Variants in SNX18 observed in about 807,000 individuals in gnomAD.
SNX18 encodes sorting nexin-18.
A neutral mutation model predicts 48.7 loss-of-function variants in SNX18; 35 were observed. The observed-to-expected ratio is 0.72, with a 90% confidence interval of 0.55 to 0.95. SNX18 has a LOEUF of 0.95. Among genes scored for constraint, SNX18 ranks in the 40% least tolerant of loss-of-function variants. The pLI is 0.00. For missense variants in SNX18, 824 were observed against 871.0 expected, an observed-to-expected ratio of 0.95 and a Z score of 0.68; for synonymous variants, 492 against 384.7, an observed-to-expected ratio of 1.28 and a Z score of -3.26.
the SNX18 span, among the ~76,000 whole-genome samples, chr5:54,552,694 G>T: frequency 6.6e-6 from 1 of 152,308 alleles, no homozygotes. Context: ...TTGAATGCTT[G>T]TTGTGCTTCG....
chr5:54,570,873 G>A, the SNX18 span, among the ~76,000 whole-genome samples: 1 of 152,208 alleles, frequency 6.6e-6, no homozygotes, highest in African/African-American at 2.4e-5. Context: ...AAGGCTTTAA[G>A]TATTTTTAAA....
the SNX18 span, chr5:54,645,484 G>C: frequency 6.6e-6 from 1 of 152,250 alleles, no homozygotes; most frequent in Admixed American, 6.5e-5. Flanking sequence ...TCTTGGAAGA[G>C]ATGTCACCTG....
At chr5:54,522,540 C>G (rs939882003) in intron 1 of SNX18, among the ~76,000 whole-genome samples, 1 of 152,166 alleles carries the variant, frequency 6.6e-6, no homozygotes, top group African/African-American at 2.4e-5. Context: ...TGCACCTCCT[C>G]CTTCCCATAT....
Position 54,544,442 on chromosome 5 carries a change from A to G in SNX18, c.*1010A>G, listed in dbSNP as rs1312304190. ...ATGGATCTACACTGTTAACTGATTG[A>G]GACTCCACTGTGATTCACTTGTTTA... On this transcript the variant is annotated 3_prime_UTR_variant, in exon 2 of 2. Transcript: ENST00000381410. 1 of 151,856 alleles carries G rather than the reference A, an allele frequency of 6.6e-6. No homozygotes were observed. Among genetic ancestry groups the G allele is most frequent in the Non-Finnish European group, 1.5e-5 (1 of 67,982 alleles). 9.4% of individuals were successfully genotyped at this position (151,856 alleles called of 1,614,324 possible). A position where few individuals can be genotyped will look rare whatever the true frequency, so the allele number is the denominator to read the frequency against.
the SNX18 span, among the ~76,000 whole-genome samples, chr5:54,647,904 G>T: frequency 6.6e-6 from 1 of 152,070 alleles, no homozygotes; most frequent in Admixed American, 6.6e-5. Flanking sequence ...TTAAGGAGAT[G>T]GAGATGTCAA....
In SNX18 at chr5:54,518,293, C is replaced by A; in HGVS notation, c.341C>A (p.Pro114Gln). Residue 114 changes from proline (P) to glutamine (Q), a missense_variant, in exon 1 of 2, where the codon CCG becomes CAG. Pro to Gln is a moderately conservative substitution (Grantham distance 76, BLOSUM62 -1). Around this residue, in one of 3 missense-constraint regions of SNX18, gnomAD observed 377 missense variants for 350.6 expected, o/e 1.08. Transcript: ENST00000381410. ...GCGCTGCTGCAGCCACAGCAGGCGC[C>A]GCCTCCGAGCACCTTCCAGCCGCCC... is the stretch of plus-strand genomic sequence containing the variant. ...FQALLQPQQA[P>Q]PPSTFQPPGA... The A allele has an allele frequency of 6.6e-7, 1 of 1,507,512 alleles. No homozygotes were observed. Among genetic ancestry groups the A allele is most frequent in the Non-Finnish European group, 8.8e-7 (1 of 1,132,154 alleles). 93.4% of individuals were successfully genotyped at this position (1,507,512 alleles called of 1,614,324 possible). A position where few individuals can be genotyped will look rare whatever the true frequency, so the allele number is the denominator to read the frequency against.
At chr5:54,596,646 C>T in the SNX18 span, among the ~76,000 whole-genome samples, 2 of 152,166 alleles carry the variant, frequency 1.3e-5, no homozygotes, top group South Asian at 4.1e-4. Flanking sequence ...ATTCTATGAC[C>T]TTCCACAGCC....
chr5:54,622,987 T>C, the SNX18 span, among the ~76,000 whole-genome samples: 1 of 152,264 alleles, frequency 6.6e-6, no homozygotes, highest in Non-Finnish European at 1.5e-5. Flanking sequence ...CACTCCATAG[T>C]TAATGCAAAT....
the SNX18 span, among the ~76,000 whole-genome samples, chr5:54,593,575 C>T: frequency 2.6e-5 from 4 of 152,112 alleles, no homozygotes; most frequent in African/African-American, 4.8e-5. Context: ...ATACAAAGAA[C>T]CTGGAAGAGC....
At chr5:54,629,697 T>C in the SNX18 span, among the ~76,000 whole-genome samples, 1 of 152,222 alleles carries the variant, frequency 6.6e-6, no homozygotes, top group African/African-American at 2.4e-5. Context: ...TACTGTGTAT[T>C]TTCCACAGCA....
the SNX18 span, among the ~76,000 whole-genome samples, chr5:54,617,963 G>C: frequency 6.6e-6 from 1 of 152,180 alleles, no homozygotes; most frequent in Non-Finnish European, 1.5e-5. Context: ...CGAGGATTAT[G>C]ATGGAGGAAG....
rs114577264 is a variant in SNX18, at chr5:54,541,938, G to A, written c.1622-1241G>A. Reference sequence around the variant, plus strand: ...CACTATTGGGCAAAACAACATTTCCGAAACAAAGTCTCTCAGTTTCTGTAC... The same window carrying A: ...CACTATTGGGCAAAACAACATTTCCAAAACAAAGTCTCTCAGTTTCTGTAC... On this transcript the variant is annotated intron_variant, in intron 1 of 1. Transcript: ENST00000381410. Among the ~76,000 whole-genome samples the A allele has an allele frequency of 6.9e-3, 1,051 of 152,178 alleles. 13 individuals carry two copies. Among genetic ancestry groups the A allele is most frequent in the African/African-American group, 0.024 (1,006 of 41,498 alleles).
chr5:54,630,837 A>G, the SNX18 span, among the ~76,000 whole-genome samples: 12 of 149,476 alleles, frequency 8.0e-5, no homozygotes, highest in African/African-American at 2.7e-4. Context: ...GTCAAAAAAA[A>G]AAAAAAAAAA....
At chr5:54,527,067 C>A (rs1297974405) in intron 1 of SNX18, among the ~76,000 whole-genome samples, 1 of 151,580 alleles carries the variant, frequency 6.6e-6, no homozygotes, top group Non-Finnish European at 1.5e-5. Context: ...TTAAGAGGAT[C>A]CTAGGAGATG....
chr5:54,627,354 T>G, the SNX18 span, among the ~76,000 whole-genome samples: 1 of 152,216 alleles, frequency 6.6e-6, no homozygotes, highest in Admixed American at 6.5e-5. Context: ...GCTTCTCTAA[T>G]GCTTCCTCTT....
the SNX18 span, among the ~76,000 whole-genome samples, chr5:54,596,046 G>A: frequency 6.6e-6 from 1 of 152,108 alleles, no homozygotes; most frequent in African/African-American, 2.4e-5. Flanking sequence ...TGGCCTTGTG[G>A]TCAGAGTGGG....
chr5:54,521,869 A>G (rs1344982588), intron 1 of SNX18, among the ~76,000 whole-genome samples: 1 of 152,058 alleles, frequency 6.6e-6, no homozygotes, highest in African/African-American at 2.4e-5. Flanking sequence ...TGCCCGGCCT[A>G]GTTTATCTTT....
the SNX18 span, among the ~76,000 whole-genome samples, chr5:54,622,109 G>A: frequency 6.6e-6 from 1 of 152,232 alleles, no homozygotes; most frequent in African/African-American, 2.4e-5. Flanking sequence ...TATACAAAAT[G>A]ATGCTATTTA....
rs1580094302 is a variant in SNX18, at chr5:54,522,714, G to C, written c.1621+3141G>C. 2.6e-5 allele frequency among the ~76,000 whole-genome samples: 4 copies of C among 151,896 alleles called. No individual in the cohort carries two copies. The East Asian group carries it at 7.7e-4, about 29-fold the overall frequency. ...AAAACACATTGGTTACGGGATGGAT[G>C]TCTGAGGCCATCCTGGTGAGAACCC... On this transcript the variant is annotated intron_variant, in intron 1 of 1. Coordinates refer to ENST00000381410, the MANE Select transcript of SNX18 (RefSeq NM_001102575.2).
Sources: allele counts gnomAD v4.1 joint callset (sites outside exome capture counted in the v4.1 genomes callset), GRCh38; gene constraint gnomAD v4.1.1; regional missense constraint gnomAD v4.1.1; transcripts MANE v1.5; gene names NCBI Gene and HGNC (gene_info 2026-07-23, HGNC 2026-07-21).